The following CIMAP1A variants were observed in gnomAD, a reference collection of about 807,000 sequenced individuals.
CIMAP1A encodes the protein ciliary microtubule associated protein 1A.
At chr11:199,592 G>A in the CIMAP1A span, 5 of 1,491,622 alleles carry the variant, frequency 3.4e-6, no homozygotes, top group East Asian at 5.0e-5. Context: ...GCAGGGAGGG[G>A]GGCTGGGACA....
chr11:197,632 G>A, the CIMAP1A span: 10 of 1,613,552 alleles, frequency 6.2e-6, no homozygotes, highest in Non-Finnish European at 8.5e-6. Context: ...CATGCTCCTG[G>A]CAGAGAACTG....
the CIMAP1A span, chr11:199,566 G>A: frequency 6.6e-7 from 1 of 1,511,612 alleles, no homozygotes; most frequent in South Asian, 1.2e-5. Flanking sequence ...TGGCCCAGAG[G>A]GATGTGTAGG....
chr11:197,551 G>A, the CIMAP1A span: 2 of 1,612,560 alleles, frequency 1.2e-6, no homozygotes, highest in Non-Finnish European at 1.7e-6. Context: ...AGGGCCCATT[G>A]CGTCCACAGG....
chr11:198,609 C>T, the CIMAP1A span: 1 of 1,584,856 alleles, frequency 6.3e-7, no homozygotes, highest in Non-Finnish European at 8.6e-7. Flanking sequence ...CAACTGAGAA[C>T]AGAGAATCAC....
At chr11:197,715 C>T in the CIMAP1A span, 3 of 1,613,694 alleles carry the variant, frequency 1.9e-6, no homozygotes, top group African/African-American at 2.7e-5. Flanking sequence ...CTGCCTACTC[C>T]ATCCTGGGGC....
At chr11:199,795 C>T in the CIMAP1A span, 2 of 1,452,370 alleles carry the variant, frequency 1.4e-6, no homozygotes, top group East Asian at 5.0e-5. Flanking sequence ...GCTACTACTG[C>T]TGAGTGCTCT....
At chr11:198,468 C>T in the CIMAP1A span, 28 of 1,613,266 alleles carry the variant, frequency 1.7e-5, no homozygotes, top group Non-Finnish European at 2.2e-5. Flanking sequence ...CTGCAGGCCC[C>T]GCTGCGTACA....
the CIMAP1A span, chr11:200,049 G>A: frequency 1.9e-6 from 3 of 1,611,938 alleles, no homozygotes. Flanking sequence ...GCCCTGCTGT[G>A]CCCCATCACA....
the CIMAP1A span, chr11:199,721 C>T: frequency 5.6e-6 from 8 of 1,435,424 alleles, no homozygotes; most frequent in Non-Finnish European, 7.3e-6. Flanking sequence ...AGCACTAGGC[C>T]CACAGGTAAC....
chr11:197,658 T>G, the CIMAP1A span: 12 of 1,613,646 alleles, frequency 7.4e-6, no homozygotes, highest in Non-Finnish European at 1.0e-5. Flanking sequence ...CAGGGCCCCG[T>G]TACAATGTAA....
the CIMAP1A span, chr11:199,872 G>A: frequency 6.3e-7 from 1 of 1,577,560 alleles, no homozygotes. Context: ...CAGCAGCCCA[G>A]CCCCAGCCAG....
the CIMAP1A span, chr11:198,707 A>G: frequency 6.7e-7 from 1 of 1,483,858 alleles, no homozygotes. Context: ...TCAGCCCTTC[A>G]CCCTCTGGGC....
At chr11:200,126 C>T in the CIMAP1A span, 5 of 1,340,250 alleles carry the variant, frequency 3.7e-6, no homozygotes, top group Non-Finnish European at 5.3e-6. Flanking sequence ...TGGGCTGGGC[C>T]AGCCTGGCCC....
At chr11:199,779 G>A in the CIMAP1A span, 1 of 1,443,332 alleles carries the variant, frequency 6.9e-7, no homozygotes, top group Non-Finnish European at 9.1e-7. Context: ...CCTAGACACT[G>A]TGACAGCTAC....
At chr11:200,017 T>C in the CIMAP1A span, 1 of 1,614,014 alleles carries the variant, frequency 6.2e-7, no homozygotes, top group Admixed American at 1.7e-5. Flanking sequence ...ACTCCCCTGC[T>C]GGTTGATGTG....
At chr11:199,314 T>C in the CIMAP1A span, 2 of 1,548,038 alleles carry the variant, frequency 1.3e-6, no homozygotes, top group Non-Finnish European at 1.7e-6. Context: ...CCCTGTCCTC[T>C]AGGGCCACAC....
the CIMAP1A span, chr11:198,107 C>G: frequency 1.3e-6 from 2 of 1,554,278 alleles, no homozygotes; most frequent in Middle Eastern, 1.7e-4. Flanking sequence ...AGAGGCCCCA[C>G]GCCTAGAATG....
chr11:199,763 C>T, the CIMAP1A span: 1 of 1,438,296 alleles, frequency 7.0e-7, no homozygotes, highest in Non-Finnish European at 9.1e-7. Context: ...AGACCCTGCC[C>T]TTTTCCCTAG....
chr11:198,139 C>A, the CIMAP1A span: 1 of 1,579,728 alleles, frequency 6.3e-7, no homozygotes. Flanking sequence ...TCCTTGAGCC[C>A]CCAAACTGGG....
Sources: allele counts gnomAD v4.1 joint callset, GRCh38; gene constraint gnomAD v4.1.1; transcripts MANE v1.5; gene names NCBI Gene and HGNC (gene_info 2026-07-23, HGNC 2026-07-21).